RBPJ: variants seen among roughly 807,000 people sequenced by gnomAD.
RBPJ encodes the protein recombining binding protein suppressor of hairless.
A neutral mutation model predicts 67.8 loss-of-function variants in RBPJ; 9 were observed. The observed-to-expected ratio is 0.13, with a 90% CI of 0.08 to 0.23. RBPJ has a LOEUF of 0.23. RBPJ is among the 10% of genes least tolerant of loss of function. RBPJ has a pLI of 1.00. For missense variants in RBPJ, 305 were observed against 595.6 expected, an observed-to-expected ratio of 0.51 and a Z score of 5.08; for synonymous variants, 198 against 203.3, an observed-to-expected ratio of 0.97 and a Z score of 0.22.
chr4:26,388,895 T>C (rs1381711983), intron 2 of RBPJ, among the ~76,000 whole-genome samples: 1 of 151,994 alleles, frequency 6.6e-6, no homozygotes, highest in Non-Finnish European at 1.5e-5. Flanking sequence ...ATGGCAAAAA[T>C]GTTCTAACTG....
chr4:26,368,184 G>A (rs1728810111), intron 1 of RBPJ: 1 of 152,166 alleles, frequency 6.6e-6, no homozygotes, highest in Admixed American at 6.5e-5. Context: ...GTACAGATGT[G>A]TGCAGGCATA....
chr4:26,231,317 A>T (rs1438114468), intron 1 of RBPJ, among the ~76,000 whole-genome samples: 1 of 152,324 alleles, frequency 6.6e-6, no homozygotes. Flanking sequence ...GACTGAGATG[A>T]CTAATCAGTT....
chr4:26,341,362 C>T (rs1267815348), intron 1 of RBPJ, among the ~76,000 whole-genome samples: 2 of 152,190 alleles, frequency 1.3e-5, no homozygotes, highest in African/African-American at 4.8e-5. Context: ...TGCCTGTACT[C>T]CCAGCACTTT....
At chr4:26,247,928 G>A (rs765211633) in intron 1 of RBPJ, among the ~76,000 whole-genome samples, 8 of 152,092 alleles carry the variant, frequency 5.3e-5, no homozygotes, top group Admixed American at 1.3e-4. Context: ...ACAGAAGCCC[G>A]ATCCTCAGCA....
intron 1 of RBPJ, among the ~76,000 whole-genome samples, chr4:26,164,500 T>G (rs2109109600): frequency 6.6e-6 from 1 of 152,310 alleles, no homozygotes; most frequent in Middle Eastern, 3.4e-3. Context: ...CCCCAAGCAC[T>G]GTCTGCCAAT....
intron 1 of RBPJ, among the ~76,000 whole-genome samples, chr4:26,258,072 T>C (rs1229385864): frequency 6.6e-6 from 1 of 152,234 alleles, no homozygotes; most frequent in Non-Finnish European, 1.5e-5. Flanking sequence ...GGGAAATGTG[T>C]TGTAAGAATA....
chr4:26,322,168 T>G (rs1723156941), intron 1 of RBPJ: 1 of 152,308 alleles, frequency 6.6e-6, no homozygotes. Context: ...AGCTTTGCAA[T>G]CTAGGCTGCC....
At chr4:26,213,296 T>G (rs574150148) in intron 1 of RBPJ, among the ~76,000 whole-genome samples, 73 of 152,312 alleles carry the variant, frequency 4.8e-4, no homozygotes, top group African/African-American at 1.3e-3. Flanking sequence ...ATTGCTTGCT[T>G]GCTGGTGGGA....
At chr4:26,270,280 CGGAAA>C (rs1279817560) in intron 1 of RBPJ, among the ~76,000 whole-genome samples, 2 of 106,170 alleles carry the variant, frequency 1.9e-5, no homozygotes, top group Non-Finnish European at 3.5e-5. Context: ...AAGATTTTGT[CGGAAA>C]GGAAAGGGAA....
At chr4:26,154,734 T>C in the RBPJ span, among the ~76,000 whole-genome samples, 1 of 152,220 alleles carries the variant, frequency 6.6e-6, no homozygotes, top group African/African-American at 2.4e-5. Flanking sequence ...CATCTACTTC[T>C]GGCAAGGCCT....
At chr4:26,135,607 C>T in the RBPJ span, among the ~76,000 whole-genome samples, 326 of 152,196 alleles carry the variant, frequency 2.1e-3, 3 homozygotes, top group African/African-American at 7.6e-3. Context: ...CAGCCTGCCT[C>T]CTCGGAGCTT....
intron 1 of RBPJ, among the ~76,000 whole-genome samples, chr4:26,309,301 G>C (rs1038092199): frequency 1.3e-5 from 2 of 152,104 alleles, no homozygotes; most frequent in African/African-American, 4.8e-5. Context: ...ATAGGCCTGA[G>C]CCACCGTGTC....
At chr4:26,320,982 G>A (rs773267954), upstream of RBPJ, 2 of 1,612,860 alleles carry the variant, frequency 1.2e-6, no homozygotes, top group East Asian at 4.5e-5. Flanking sequence ...GGAAGGCGTC[G>A]GGGGGAATCT....
chr4:26,130,569 T>C, the RBPJ span, among the ~76,000 whole-genome samples: 4 of 152,106 alleles, frequency 2.6e-5, no homozygotes, highest in Non-Finnish European at 5.9e-5. Context: ...CCTGCCACTT[T>C]TCCTGTTCTC....
At chr4:26,161,710 AAGG>A (rs1716082564), upstream of RBPJ, among the ~76,000 whole-genome samples, 2 of 152,192 alleles carry the variant, frequency 1.3e-5, no homozygotes, top group Admixed American at 6.5e-5. Flanking sequence ...TGCACCAACA[AAGG>A]AGGAGGCCTG....
chr4:26,152,785 G>A, the RBPJ span, among the ~76,000 whole-genome samples: 4 of 152,172 alleles, frequency 2.6e-5, no homozygotes, highest in African/African-American at 9.7e-5. Context: ...TGAAAAGAGT[G>A]GAATGAATTT....
At chr4:26,352,621 T>G (rs1726928126) in intron 1 of RBPJ, among the ~76,000 whole-genome samples, 1 of 152,192 alleles carries the variant, frequency 6.6e-6, no homozygotes, top group African/African-American at 2.4e-5. Flanking sequence ...GAGAATCACT[T>G]GAACCTGGGA....
At chr4:26,216,628 A>G (rs546861127) in intron 1 of RBPJ, among the ~76,000 whole-genome samples, 1 of 151,938 alleles carries the variant, frequency 6.6e-6, no homozygotes, top group Admixed American at 6.6e-5. Context: ...ATAGGGGAGG[A>G]TTGAGGGCGA....
chr4:26,253,501 C>T (rs1001849014), intron 1 of RBPJ, among the ~76,000 whole-genome samples: 1 of 150,594 alleles, frequency 6.6e-6, no homozygotes, highest in Non-Finnish European at 1.5e-5. Flanking sequence ...TTAGTAGAGA[C>T]GGGGTTTCAC....
Sources: gnomAD v4.1 joint callset for allele counts (sites outside exome capture counted in the v4.1 genomes callset) on GRCh38, gnomAD v4.1.1 for gene constraint, MANE v1.5 for transcripts, NCBI Gene and HGNC (gene_info 2026-07-23, HGNC 2026-07-21) for gene names.